The following GPC5 variants were observed in gnomAD, a reference collection of about 807,000 sequenced individuals.
GPC5 encodes the protein glypican 5.
GPC5 carries 47 observed loss-of-function variants against 53.9 expected under a neutral mutation model. The observed-to-expected ratio is 0.87, with a 90% CI of 0.69 to 1.11. The LOEUF is 1.11. Among genes scored for constraint, GPC5 ranks in the 50% most tolerant of loss-of-function variants. The pLI is 0.00. For missense variants in GPC5, 748 were observed against 713.1 expected, an observed-to-expected ratio of 1.05 and a Z score of -0.56; for synonymous variants, 286 against 263.3, an observed-to-expected ratio of 1.09 and a Z score of -0.84.
intron 6 of GPC5, among the ~76,000 whole-genome samples, chr13:92,116,884 G>C (rs1299151698): frequency 1.3e-5 from 2 of 152,038 alleles, no homozygotes; most frequent in African/African-American, 4.8e-5. Context: ...CTCATTTTTT[G>C]TTGGGTTGAT....
chr13:92,264,825 C>CT (rs964493122), intron 7 of GPC5, among the ~76,000 whole-genome samples: 3 of 148,238 alleles, frequency 2.0e-5, no homozygotes, highest in Admixed American at 6.8e-5. Context: ...ATTATTGAAA[C>CT]TTTTTTTTGT....
chr13:92,023,347 T>C (rs1247555757), intron 6 of GPC5, among the ~76,000 whole-genome samples: 1 of 152,054 alleles, frequency 6.6e-6, no homozygotes, highest in Non-Finnish European at 1.5e-5. Context: ...TTTTTATTTG[T>C]TCATACTACA....
At chr13:91,468,562 G>C (rs1224253273) in intron 2 of GPC5, among the ~76,000 whole-genome samples, 1 of 152,114 alleles carries the variant, frequency 6.6e-6, no homozygotes, top group Non-Finnish European at 1.5e-5. Flanking sequence ...TGAGGTTACC[G>C]GAAGTGAGGT....
intron 5 of GPC5, among the ~76,000 whole-genome samples, chr13:91,766,189 T>G (rs2037519908): frequency 6.6e-6 from 1 of 152,068 alleles, no homozygotes; most frequent in Non-Finnish European, 1.5e-5. Context: ...ATCTTTCAAG[T>G]TGGATGGAAT....
chr13:92,464,201 C>T lies in GPC5; in HGVS notation c.1561+319212C>T, dbSNP rs145339293. ...ATTACCCCTCATGCTTTGGTGCAGACGACATATCTTCCTTCAAATCCAGAG... is the reference window on the plus strand; with the variant it reads ...ATTACCCCTCATGCTTTGGTGCAGATGACATATCTTCCTTCAAATCCAGAG... On this transcript the variant is annotated intron_variant, in intron 7 of 7. Transcript: ENST00000377067. Among the ~76,000 whole-genome samples, 934 of 152,212 alleles carry T rather than the reference C, an allele frequency of 6.1e-3. 9 individuals are homozygous for T. Among genetic ancestry groups the T allele is most frequent in the African/African-American group, 0.021 (890 of 41,546 alleles).
rs565745298 is a variant in GPC5, at chr13:91,706,192, A to ATT, written c.1020+12324_1020+12325dup. Among the ~76,000 whole-genome samples, 428 of 144,324 alleles carry ATT rather than the reference A, an allele frequency of 3.0e-3. 3 individuals are homozygous for ATT. Among genetic ancestry groups the ATT allele is most frequent in the African/African-American group, 0.01 (408 of 39,726 alleles). 94.7% of individuals were successfully genotyped at this position (144,324 alleles called of 152,430 possible). A position where few individuals can be genotyped will look rare whatever the true frequency, so the allele number is the denominator to read the frequency against. ...CCGCACCTGGCCCTAGCTACATGTA[A>ATT]TTTTTTTTTTTTTTACTTACTATTT... On this transcript the variant is annotated intron_variant, in intron 3 of 7. Transcript: ENST00000377067.
intron 6 of GPC5, among the ~76,000 whole-genome samples, chr13:92,027,669 C>T (rs1349187959): frequency 6.6e-6 from 1 of 152,090 alleles, no homozygotes; most frequent in African/African-American, 2.4e-5. Context: ...TGTTTTTAAC[C>T]ATCTCCCATG....
chr13:92,175,137 G>T (rs2042100667), intron 7 of GPC5, among the ~76,000 whole-genome samples: 1 of 152,242 alleles, frequency 6.6e-6, no homozygotes, highest in Admixed American at 6.5e-5. Flanking sequence ...ACAGGCGTGA[G>T]CCACTGTGCC....
At chr13:91,993,145 T>C (rs1173901087) in intron 6 of GPC5, among the ~76,000 whole-genome samples, 2 of 152,218 alleles carry the variant, frequency 1.3e-5, no homozygotes, top group Non-Finnish European at 2.9e-5. Flanking sequence ...CAGTTTGAGC[T>C]AAAATATATA....
At chr13:92,028,036 T>A (rs1299618124) in intron 6 of GPC5, among the ~76,000 whole-genome samples, 1 of 152,278 alleles carries the variant, frequency 6.6e-6, no homozygotes, top group Non-Finnish European at 1.5e-5. Context: ...TAAATGTCAA[T>A]AACATTGGGG....
chr13:91,572,729 A>G (rs2031981467), intron 2 of GPC5, among the ~76,000 whole-genome samples: 1 of 152,152 alleles, frequency 6.6e-6, no homozygotes, highest in African/African-American at 2.4e-5. Context: ...ACATTTCAAC[A>G]TGAGATTTGG....
intron 5 of GPC5, among the ~76,000 whole-genome samples, chr13:91,762,988 A>G (rs2037446943): frequency 6.6e-6 from 1 of 152,000 alleles, no homozygotes; most frequent in Non-Finnish European, 1.5e-5. Context: ...TCTCTATTGC[A>G]GTTTCTTTTG....
At chr13:91,549,419 A>T (rs2030494460) in intron 2 of GPC5, among the ~76,000 whole-genome samples, 1 of 152,176 alleles carries the variant, frequency 6.6e-6, no homozygotes, top group Non-Finnish European at 1.5e-5. Context: ...ACTACAATTT[A>T]AAAGCCCTTC....
At chr13:92,751,797 C>T (rs1321478392) in intron 7 of GPC5, among the ~76,000 whole-genome samples, 2 of 151,936 alleles carry the variant, frequency 1.3e-5, no homozygotes, top group Non-Finnish European at 2.9e-5. Flanking sequence ...AGGGACATGA[C>T]TTAAAACATT....
At chr13:91,661,555 A>C (rs2034989464) in intron 2 of GPC5, among the ~76,000 whole-genome samples, 1 of 152,156 alleles carries the variant, frequency 6.6e-6, no homozygotes, top group Admixed American at 6.6e-5. Flanking sequence ...ATTATGTGAT[A>C]AGTACTGTGG....
At chr13:91,714,149 C>T (rs1047823360) in intron 3 of GPC5, among the ~76,000 whole-genome samples, 10 of 152,190 alleles carry the variant, frequency 6.6e-5, no homozygotes, top group African/African-American at 9.7e-5. Flanking sequence ...GTCCTATTCT[C>T]TCACCAACAA....
In GPC5 at chr13:91,693,222, T is replaced by G. The variant is rs1324796975; in HGVS notation, c.361T>G (p.Tyr121Asp). The G allele has an allele frequency of 6.2e-7, 1 of 1,613,802 alleles. No homozygotes were observed. Residue 121 changes from tyrosine (Y) to aspartate (D), a missense_variant, in exon 3 of 8, where the codon TAC becomes GAC. Tyr to Asp is a radical substitution (Grantham distance 160). Coordinates refer to ENST00000377067, the MANE Select transcript of GPC5 (RefSeq NM_004466.6). ...AACTCTCATCAAACAAGCAGAAAAT[T>G]ACACCAGTATACTTTTTTGCAGTAC... ...LETLIKQAEN[Y>D]TSILFCSTYR...
chr13:92,270,706 C>G (rs1346386921), intron 7 of GPC5, among the ~76,000 whole-genome samples: 1 of 152,052 alleles, frequency 6.6e-6, no homozygotes, highest in South Asian at 2.1e-4. Flanking sequence ...ATGAAAATAT[C>G]TTTGTTTTTA....
intron 7 of GPC5, among the ~76,000 whole-genome samples, chr13:92,831,837 A>T (rs1878054021): frequency 2.0e-5 from 3 of 152,176 alleles, no homozygotes; most frequent in Admixed American, 2.0e-4. Context: ...GGTCATAAAT[A>T]GCATCAGTAA....
Sources: allele counts gnomAD v4.1 joint callset (sites outside exome capture counted in the v4.1 genomes callset), GRCh38; gene constraint gnomAD v4.1.1; transcripts MANE v1.5; gene names NCBI Gene and HGNC (gene_info 2026-07-23, HGNC 2026-07-21).